EHMT1: variants seen among roughly 807,000 people sequenced by gnomAD.
EHMT1 encodes the protein euchromatic histone lysine methyltransferase 1, also known as histone-lysine N-methyltransferase EHMT1.
Under a neutral mutation model 147.2 loss-of-function variants are expected in EHMT1, and 15 were observed. The ratio of observed to expected loss-of-function variants is 0.10; its 90% CI spans 0.07 to 0.16. The LOEUF is 0.16. EHMT1 is among the 10% of genes least tolerant of loss of function. The pLI is 1.00. For missense variants in EHMT1, 1,587 were observed against 1,772.4 expected, an observed-to-expected ratio of 0.90 and a Z score of 1.88; for synonymous variants, 795 against 709.6, an observed-to-expected ratio of 1.12 and a Z score of -1.91.
intron 3 of EHMT1, among the ~76,000 whole-genome samples, chr9:137,720,570 T>C (rs1945848406): frequency 6.6e-6 from 1 of 152,218 alleles, no homozygotes; most frequent in South Asian, 2.1e-4. Context: ...CCCAAAGTGC[T>C]GGGATTATGG....
In EHMT1 at chr9:137,716,790, G is replaced by A. The variant is rs1945358719; in HGVS notation, c.250G>A (p.Gly84Ser). 1 of 1,613,258 alleles carries A rather than the reference G, an allele frequency of 6.2e-7. No homozygotes were observed. Among genetic ancestry groups the A allele is most frequent in the Non-Finnish European group, 8.5e-7 (1 of 1,179,848 alleles). Reference sequence around the variant, plus strand: ...CAGCGCAAGGGTCAACCCCCAGGATGGCACCAACACACTAACTCGGATAGC... The same window carrying A: ...CAGCGCAAGGGTCAACCCCCAGGATAGCACCAACACACTAACTCGGATAGC... The part of the protein sequence containing the change: ...QDSARVNPQD[G>S]TNTLTRIAEN... The change falls in exon 3 of 27, where the codon GGC becomes AGC. Residue 84 changes from glycine (G) to serine (S), a missense_variant. By Grantham distance (56) the Gly-to-Ser change is moderately conservative. Around this residue, in one of 7 missense-constraint regions of EHMT1, gnomAD observed 810 missense variants for 673.0 expected, o/e 1.20. Coordinates refer to ENST00000460843, the MANE Select transcript of EHMT1 (RefSeq NM_024757.5).
At chr9:137,648,921 G>C (rs1399989277) in intron 1 of EHMT1, among the ~76,000 whole-genome samples, 1 of 152,116 alleles carries the variant, frequency 6.6e-6, no homozygotes, top group Non-Finnish European at 1.5e-5. Context: ...GATTATAGTA[G>C]TCACCCTTTA....
chr9:137,691,329 T>C (rs1174027101), intron 1 of EHMT1, among the ~76,000 whole-genome samples: 2 of 147,314 alleles, frequency 1.4e-5, no homozygotes, highest in African/African-American at 2.6e-5. Context: ...ATATATAAAA[T>C]ATATTTTTTT....
intron 23 of EHMT1, 153 bp from the exon 24 acceptor site, chr9:137,817,286 G>A (rs75000513): frequency 1.9e-4 from 154 of 825,822 alleles, no homozygotes; most frequent in African/African-American, 9.2e-4. Flanking sequence ...GCGAGATGCC[G>A]TGTCTGTGAG....
In EHMT1 at chr9:137,787,213, A is replaced by T. The variant is rs1952048075; in HGVS notation, c.2383-3635A>T. The T allele has an allele frequency of 6.6e-6, 1 of 151,108 alleles. No homozygotes were observed. Among genetic ancestry groups the T allele is most frequent in the Non-Finnish European group, 1.5e-5 (1 of 67,744 alleles). The allele number at this position is 151,108 out of a possible 1,614,324, so 9.4% of individuals were successfully genotyped here. ...GTCTGCTCTTCTGTCATCTCTCATT[A>T]AAAAAAAATGTTGTAAATTCCTTTA... is the stretch of plus-strand genomic sequence containing the variant. On this transcript the variant is annotated intron_variant, in intron 15 of 26. Coordinates refer to ENST00000460843, the MANE Select transcript of EHMT1 (RefSeq NM_024757.5). This position sits in a 1 kb window ranked among gnomAD's most constrained non-coding sequence, Gnocchi z 4.2.
At chr9:137,803,297 A>G in intron 18 of EHMT1, 2 of 1,003,308 alleles carry the variant, frequency 2.0e-6, no homozygotes, top group Middle Eastern at 5.0e-4. Context: ...CCCAGAAGCC[A>G]TTGTTGCTGT....
At chr9:137,728,118 C>G (rs1233461572) in intron 3 of EHMT1, among the ~76,000 whole-genome samples, 4 of 152,190 alleles carry the variant, frequency 2.6e-5, no homozygotes, top group South Asian at 2.1e-4. Flanking sequence ...AAATGCTGTT[C>G]TTAGCTTGGG....
chr9:137,834,728 G>A (rs760726401), intron 26 of EHMT1, 45 bp from the exon 27 acceptor site: 6 of 1,612,852 alleles, frequency 3.7e-6, no homozygotes, highest in South Asian at 3.3e-5. Flanking sequence ...TGTGGGAGGT[G>A]CCGGTGGGAT....
chr9:137,643,094 G>C (rs1448002743), intron 1 of EHMT1, among the ~76,000 whole-genome samples: 1 of 151,992 alleles, frequency 6.6e-6, no homozygotes, highest in Non-Finnish European at 1.5e-5. Context: ...TGTTGCCCAG[G>C]CTGGTCTCCA....
chr9:137,831,580 G>A (rs1055499544), intron 25 of EHMT1, among the ~76,000 whole-genome samples: 1 of 152,198 alleles, frequency 6.6e-6, no homozygotes, highest in Non-Finnish European at 1.5e-5. Flanking sequence ...CTGTTTCTCC[G>A]CTGAGACTTC....
Position 137,716,793 on chromosome 9 carries a change from A to G in EHMT1, c.253A>G (p.Thr85Ala). Residue 85 changes from threonine to alanine, a missense_variant, in exon 3 of 27, where the codon ACC (threonine) becomes GCC (alanine). Transcript: ENST00000460843. ...DSARVNPQDG[T>A]NTLTRIAENG... Reference sequence around the variant, plus strand: ...CGCAAGGGTCAACCCCCAGGATGGCACCAACACACTAACTCGGATAGCGGA... The same window carrying G: ...CGCAAGGGTCAACCCCCAGGATGGCGCCAACACACTAACTCGGATAGCGGA... The G allele has an allele frequency of 1.2e-6, 2 of 1,613,248 alleles. No individual in the cohort carries two copies. The highest frequency in any genetic ancestry group is 2.2e-5 in the East Asian group (1 of 44,886).
chr9:137,655,611 G>A (rs1938359475), intron 1 of EHMT1, among the ~76,000 whole-genome samples: 1 of 152,176 alleles, frequency 6.6e-6, no homozygotes, highest in Non-Finnish European at 1.5e-5. Context: ...CTGGTCAGTG[G>A]CCCATTAGGA....
At chr9:137,701,565 TCTC>T (rs1211916833) in intron 1 of EHMT1, among the ~76,000 whole-genome samples, 1 of 151,536 alleles carries the variant, frequency 6.6e-6, no homozygotes, top group Non-Finnish European at 1.5e-5. Flanking sequence ...TTTGAGCAAT[TCTC>T]CTGCCTCAGC....
Position 137,798,796 on chromosome 9 carries a change from T to C in EHMT1, c.2506-17T>C. The stretch of plus-strand genomic sequence containing the variant: ...CACAGGTATGGATTCTTTGACTAAG[T>C]GGCATTTCTGTTGCAGGACGCAGAG... On this transcript the variant is annotated splice_polypyrimidine_tract_variant and intron_variant, in intron 16 of 26. Transcript: ENST00000460843. 1 of 1,607,580 alleles carries C rather than the reference T, an allele frequency of 6.2e-7. No homozygotes were observed. Among genetic ancestry groups the C allele is most frequent in the Non-Finnish European group, 8.5e-7 (1 of 1,174,060 alleles).
chr9:137,756,597 C>T (rs1949395869), intron 8 of EHMT1, among the ~76,000 whole-genome samples: 3 of 152,158 alleles, frequency 2.0e-5, no homozygotes, highest in African/African-American at 4.8e-5. Context: ...GCTTCAGTTA[C>T]GTTTCTCTTC....
intron 10 of EHMT1, among the ~76,000 whole-genome samples, chr9:137,772,176 C>A (rs2136567238): frequency 6.6e-6 from 1 of 152,186 alleles, no homozygotes; most frequent in East Asian, 1.9e-4. Flanking sequence ...AAAATGGCAT[C>A]ATTTTACCCC....
At chr9:137,817,811 A>C in intron 24 of EHMT1, 1 of 623,084 alleles carries the variant, frequency 1.6e-6, no homozygotes, top group Middle Eastern at 4.3e-4. Flanking sequence ...AGTCATCTCT[A>C]GGGGAGGACC....
At chr9:137,657,896 T>C (rs1028632537) in intron 1 of EHMT1, among the ~76,000 whole-genome samples, 2 of 151,916 alleles carry the variant, frequency 1.3e-5, no homozygotes, top group African/African-American at 4.8e-5. Flanking sequence ...CCCCTAGACG[T>C]CCTTCTACTC....
In EHMT1 at chr9:137,813,065, T is replaced by G. The variant is rs147956904; in HGVS notation, c.2927T>G (p.Leu976Arg). The change falls in exon 20 of 27, where the codon CTG becomes CGG. Residue 976 changes from leucine to arginine, a missense_variant. Physicochemically the swap from Leu to Arg is moderately radical, Grantham distance 102 (BLOSUM62 -2). Transcript: ENST00000460843. This position sits in a 1 kb window ranked among gnomAD's most constrained non-coding sequence, Gnocchi z 4.9. ...TLKNKEGETP[L>R]QCASLNSQVW... ...AAGAACAAGGAAGGAGAGACGCCCC[T>G]GCAGTGTGCGAGCCTCAACTCTCAG... 104 of 1,613,814 alleles carry G rather than the reference T, an allele frequency of 6.4e-5. 1 individual carries two copies. Among genetic ancestry groups the G allele is most frequent in the Non-Finnish European group, 8.5e-5 (100 of 1,180,040 alleles).
Sources: allele counts gnomAD v4.1 joint callset (sites outside exome capture counted in the v4.1 genomes callset), GRCh38; gene constraint gnomAD v4.1.1; regional missense constraint gnomAD v4.1.1; non-coding constraint Gnocchi (gnomAD v3.1); transcripts MANE v1.5; gene names NCBI Gene and HGNC (gene_info 2026-07-23, HGNC 2026-07-21).